AKAP7: variants seen among roughly 807,000 people sequenced by gnomAD.
AKAP7 encodes A kinase (PRKA) anchor protein 7.
A neutral mutation model predicts 39.5 loss-of-function variants in AKAP7; 39 were observed. The ratio of observed to expected loss-of-function variants is 0.99; its 90% CI spans 0.76 to 1.29. The LOEUF (loss-of-function observed/expected upper bound fraction) is 1.29. Among genes scored for constraint, AKAP7 ranks in the 50% most tolerant of loss-of-function variants. The probability of loss-of-function intolerance (pLI) is 0.00; values close to 1 mark genes in which losing one functional copy is unlikely to be tolerated. For synonymous variants in AKAP7, 140 were observed against 139.1 expected, an observed-to-expected ratio of 1.01 and a Z score of -0.05; for missense variants, 414 against 407.7, an observed-to-expected ratio of 1.02 and a Z score of -0.13.
intron 2 of AKAP7, among the ~76,000 whole-genome samples, chr6:131,157,565 T>C (rs1326394688): frequency 6.6e-6 from 1 of 152,208 alleles, no homozygotes; most frequent in African/African-American, 2.4e-5. Context: ...TTCTTAGATG[T>C]GTAAAATTGC....
chr6:131,211,559 A>G (rs976177219), intron 6 of AKAP7, among the ~76,000 whole-genome samples: 1 of 151,704 alleles, frequency 6.6e-6, no homozygotes, highest in Non-Finnish European at 1.5e-5. Flanking sequence ...AGGTCAGGAG[A>G]TTGAGACCAT....
chr6:131,238,616 A>G (rs1392591498), intron 7 of AKAP7, among the ~76,000 whole-genome samples: 1 of 152,188 alleles, frequency 6.6e-6, no homozygotes, highest in Non-Finnish European at 1.5e-5. Context: ...TATATTTAGG[A>G]TAGTTAGCTC....
At chr6:131,217,520 A>G (rs17060121) in intron 6 of AKAP7, among the ~76,000 whole-genome samples, 3,640 of 152,226 alleles carry the variant, frequency 0.024, 145 homozygotes, top group African/African-American at 0.082. Context: ...CAGGACATAT[A>G]ATTTCGGTGC....
chr6:131,274,893 G>A (rs914496515), intron 7 of AKAP7, among the ~76,000 whole-genome samples: 1 of 151,866 alleles, frequency 6.6e-6, no homozygotes, highest in Non-Finnish European at 1.5e-5. Flanking sequence ...CGCCATGCCT[G>A]GAAACTCTTA....
chr6:131,216,465 C>T (rs1347682243), intron 6 of AKAP7, among the ~76,000 whole-genome samples: 1 of 152,206 alleles, frequency 6.6e-6, no homozygotes, highest in African/African-American at 2.4e-5. Flanking sequence ...ATGGCATTTT[C>T]TCTGGAGTGG....
At position 131,145,277 on chromosome 6, in the gene AKAP7, T is replaced by C. The variant is rs1221412477; in HGVS notation, c.20-8T>C. The stretch of plus-strand genomic sequence containing the variant: ...AATCCTTTTTTTTCTGTTTGTGATA[T>C]GTTAAAGGAGGAATTAATTCCAATG... On this transcript the variant is annotated splice_polypyrimidine_tract_variant and splice_region_variant and intron_variant, in intron 1 of 7. Coordinates refer to ENST00000431975, the MANE Select transcript of AKAP7 (RefSeq NM_016377.4). The C allele has an allele frequency of 2.8e-5, 41 of 1,441,354 alleles. No homozygotes were observed. The highest frequency in any genetic ancestry group is 3.7e-5 in the Non-Finnish European group (40 of 1,079,716). The allele number at this position is 1,441,354 out of a possible 1,614,324, so 89.3% of individuals were successfully genotyped here. A position where few individuals can be genotyped will look rare whatever the true frequency, so the allele number is the denominator to read the frequency against.
At position 131,240,415 on chromosome 6, in the gene AKAP7, C is replaced by G. The variant is rs1046995693; in HGVS notation, c.850+20607C>G. The stretch of plus-strand genomic sequence containing the variant: ...GATCTCCAGCTGTGTGCTGGGAGAA[C>G]CACTAGTCTCTTCAAAGCTGTCAGA... On this transcript the variant is annotated intron_variant, in intron 7 of 7. Transcript: ENST00000431975. Among the ~76,000 whole-genome samples, 8 of 152,200 alleles carry G rather than the reference C, an allele frequency of 5.3e-5. 1 individual carries two copies. The highest frequency in any genetic ancestry group is 1.9e-4 in the African/African-American group (8 of 41,458).
At chr6:131,172,762 A>G (rs574449993) in intron 5 of AKAP7, among the ~76,000 whole-genome samples, 3 of 152,330 alleles carry the variant, frequency 2.0e-5, no homozygotes, top group Admixed American at 2.0e-4. Context: ...TAGAATTGAT[A>G]TTACAGAATT....
rs1562194224 is a variant in AKAP7 at position 131,184,847 on chromosome 6, G to A, written c.590-14614G>A. ...CTGAGGCCTGGTCGGTTCTTGTAAC[G>A]TTTTCCACAAATGTCACAGGCATAG... On this transcript the variant is annotated intron_variant, in intron 5 of 7. Coordinates refer to ENST00000431975, the MANE Select transcript of AKAP7 (RefSeq NM_016377.4). The A allele has an allele frequency of 4.8e-6, 7 of 1,469,484 alleles. No homozygotes were observed. In the Admixed American group the frequency reaches 5.0e-5, roughly 11 times the overall value. The allele number at this position is 1,469,484 out of a possible 1,614,324, so 91.0% of individuals were successfully genotyped here. A position where few individuals can be genotyped will look rare whatever the true frequency, so the allele number is the denominator to read the frequency against.
At chr6:131,207,809 A>G (rs1808274899) in intron 6 of AKAP7, among the ~76,000 whole-genome samples, 1 of 152,076 alleles carries the variant, frequency 6.6e-6, no homozygotes, top group South Asian at 2.1e-4. Flanking sequence ...AAGCCTGGAG[A>G]CTACCCTGCC....
At chr6:131,172,078 A>G (rs9321275) in intron 5 of AKAP7, among the ~76,000 whole-genome samples, 7,461 of 152,270 alleles carry the variant, frequency 0.049, 714 homozygotes, top group East Asian at 0.44. Context: ...CGTCACAAAG[A>G]AAAACAAATG....
intron 7 of AKAP7, chr6:131,250,733 GT>G (rs1388744979): frequency 3.0e-6 from 3 of 1,001,268 alleles, no homozygotes; most frequent in African/African-American, 3.2e-5. Context: ...ATCAGCTATG[GT>G]TTTTAATGTG....
At chr6:131,151,381 G>T (rs960940327) in intron 2 of AKAP7, among the ~76,000 whole-genome samples, 14 of 143,812 alleles carry the variant, frequency 9.7e-5, no homozygotes, top group African/African-American at 3.5e-4. Flanking sequence ...AGAAGGTAAG[G>T]TTTTTTTTTT....
intron 7 of AKAP7, among the ~76,000 whole-genome samples, chr6:131,248,650 T>C (rs778432699): frequency 2.6e-5 from 4 of 152,164 alleles, no homozygotes; most frequent in Non-Finnish European, 4.4e-5. Context: ...AGCTGGGTAG[T>C]GGCAGTGTTA....
At position 131,282,872 on chromosome 6, in the gene AKAP7, C is replaced by T. The variant is rs569544522; in HGVS notation, c.*1146C>T. 10 of 295,778 alleles carry T rather than the reference C, an allele frequency of 3.4e-5. No individual in the cohort carries two copies. The highest frequency in any genetic ancestry group is 2.4e-4 in the South Asian group (3 of 12,684). 18.3% of individuals were successfully genotyped at this position (295,778 alleles called of 1,614,324 possible). On this transcript the variant is annotated 3_prime_UTR_variant, in exon 8 of 8. Transcript: ENST00000431975. ...TAATTAGCTGTTGTGAGATATTTCT[C>T]GGGTCCTTGCAGAAAAAAACATACA...
chr6:131,143,989 T>C (rs2128226549), intron 1 of AKAP7, among the ~76,000 whole-genome samples: 1 of 138,974 alleles, frequency 7.2e-6, no homozygotes, highest in Admixed American at 7.6e-5. Context: ...CCTTCAAGCA[T>C]CTGTTTAACA....
chr6:131,264,102 G>T (rs77666829), intron 7 of AKAP7, among the ~76,000 whole-genome samples: 1 of 151,992 alleles, frequency 6.6e-6, no homozygotes, highest in Non-Finnish European at 1.5e-5. Flanking sequence ...AGTCTTTTGG[G>T]GATTTAACCA....
chr6:131,180,025 G>GGTCCACTGCTGCA (rs1227804116), intron 5 of AKAP7, among the ~76,000 whole-genome samples: 3 of 152,182 alleles, frequency 2.0e-5, no homozygotes, highest in African/African-American at 7.2e-5. Flanking sequence ...TGGCTCGGCA[G>GGTCCACTGCTGCA]GTCCACTGCT....
intron 5 of AKAP7, among the ~76,000 whole-genome samples, chr6:131,189,141 G>A (rs192610136): frequency 2.0e-5 from 3 of 152,262 alleles, no homozygotes; most frequent in Admixed American, 6.5e-5. Context: ...GGAGCAGCTC[G>A]CTGCTGCTTT....
Sources: allele counts gnomAD v4.1 joint callset (sites outside exome capture counted in the v4.1 genomes callset), GRCh38; gene constraint gnomAD v4.1.1; transcripts MANE v1.5; gene names NCBI Gene and HGNC (gene_info 2026-07-23, HGNC 2026-07-21).